ATAD2: variants seen among roughly 807,000 people sequenced by gnomAD.
The protein encoded by ATAD2 is ATPase family AAA domain containing 2.
ATAD2 carries 62 observed loss-of-function variants against 168.9 expected under a neutral mutation model. That is an observed-to-expected ratio of 0.37 (90% confidence interval 0.30 to 0.45). The LOEUF (loss-of-function observed/expected upper bound fraction) is 0.45. ATAD2 is among the 20% of genes least tolerant of loss of function. The probability of loss-of-function intolerance (pLI) is 1.00; values close to 1 mark genes in which losing one functional copy is unlikely to be tolerated. For missense variants in ATAD2, 1,419 were observed against 1,667.8 expected (o/e 0.85, Z 2.60); for synonymous variants, 613 against 571.6 (o/e 1.07, Z -1.03).
intron 24 of ATAD2, among the ~76,000 whole-genome samples, chr8:123,329,597 C>CA (rs1419970418): frequency 1.3e-5 from 2 of 151,762 alleles, no homozygotes; most frequent in Non-Finnish European, 2.9e-5. Context: ...CCCATCGCTA[C>CA]AAAAAATACA....
Position 123,369,966 on chromosome 8 carries a change from A to G in ATAD2, c.786T>C (p.Asp262=), listed in dbSNP as rs995715139. ...CATCGTCATCATCATCATCATCTTCATCATCTTCATCTTCACCATCATCTT... is the reference window on the plus strand; with the variant it reads ...CATCGTCATCATCATCATCATCTTCGTCATCTTCATCTTCACCATCATCTT... ...EHEDDGEDED[D]EDDDDDDDDD... is the part of the protein sequence containing the mutation. The change falls in exon 7 of 28, where the codon GAT becomes GAC. Residue 262 remains aspartate (D), a synonymous_variant. Transcript: ENST00000287394. The G allele has an allele frequency of 6.3e-7, 1 of 1,579,398 alleles. No homozygotes were observed. Among genetic ancestry groups the G allele is most frequent in the East Asian group, 2.2e-5 (1 of 44,624 alleles).
chr8:123,331,223 G>A (rs1373514188), intron 24 of ATAD2, among the ~76,000 whole-genome samples: 4 of 152,156 alleles, frequency 2.6e-5, no homozygotes, highest in African/African-American at 9.7e-5. Context: ...TTACAGGCGT[G>A]AGCCACTGCG....
At chr8:123,401,660 G>T in intron 1 of ATAD2, 1 of 808,704 alleles carries the variant, frequency 1.2e-6, no homozygotes. Context: ...CATCATAGCC[G>T]ATGGTGGCAT....
At chr8:123,371,364 G>C (rs952685434) in intron 4 of ATAD2, 26 bp from the exon 5 acceptor site, 1 of 1,537,548 alleles carries the variant, frequency 6.5e-7, no homozygotes, top group Admixed American at 2.1e-5. Flanking sequence ...ATAAATGTAA[G>C]TGAAAATTGT....
chr8:123,385,545 G>T (rs190829502), intron 1 of ATAD2, among the ~76,000 whole-genome samples: 2 of 152,052 alleles, frequency 1.3e-5, no homozygotes, highest in African/African-American at 4.8e-5. Flanking sequence ...AGAGAATAAA[G>T]AACTAAAAAA....
chr8:123,364,204 T>A (rs1828902293), intron 8 of ATAD2, among the ~76,000 whole-genome samples: 1 of 152,042 alleles, frequency 6.6e-6, no homozygotes, highest in Non-Finnish European at 1.5e-5. Flanking sequence ...CCTACTATCC[T>A]CACTTTACAG....
intron 1 of ATAD2, among the ~76,000 whole-genome samples, chr8:123,407,461 C>T (rs1813082875): frequency 6.6e-6 from 1 of 152,186 alleles, no homozygotes; most frequent in Non-Finnish European, 1.5e-5. Flanking sequence ...TGGTGGCTCA[C>T]ACCTGCAATC....
chr8:123,357,854 T>C, intron 11 of ATAD2, 118 bp from the exon 12 acceptor site: 1 of 1,026,970 alleles, frequency 9.7e-7, no homozygotes, highest in East Asian at 2.7e-5. Context: ...GTAAGACAAC[T>C]GAATTATGGT....
intron 19 of ATAD2, among the ~76,000 whole-genome samples, chr8:123,343,500 C>G (rs1828130767): frequency 2.6e-5 from 4 of 152,144 alleles, no homozygotes; most frequent in Non-Finnish European, 5.9e-5. Flanking sequence ...CCTAGAACCA[C>G]ACCTGGGAGA....
At chr8:123,335,260 C>A (rs1190534625) in intron 22 of ATAD2, among the ~76,000 whole-genome samples, 1 of 152,166 alleles carries the variant, frequency 6.6e-6, no homozygotes, top group Non-Finnish European at 1.5e-5. Context: ...CAGGGTACCT[C>A]GTTTCTTCTT....
chr8:123,415,943 T>A, intron 1 of ATAD2, among the ~76,000 whole-genome samples: 1 of 152,180 alleles, frequency 6.6e-6, no homozygotes, highest in East Asian at 1.9e-4. Context: ...CTGCCAGTAA[T>A]TGAACAAAAT....
In ATAD2 at chr8:123,345,038, C is replaced by G; in HGVS notation, c.2564G>C (p.Ser855Thr). 1 of 1,612,708 alleles carries G rather than the reference C, an allele frequency of 6.2e-7. No individual in the cohort carries two copies. The highest frequency in any genetic ancestry group is 8.5e-7 in the Non-Finnish European group (1 of 1,178,818). ...GTGGATATGAGGAACATACACTATA[C>G]TTGGTGCTGTTCTCTTAGCTTCACG... ...VIREAKRTAPSIVYVPHIHVW... is the reference protein window; with the variant it reads ...VIREAKRTAPTIVYVPHIHVW... The change falls in exon 19 of 28, where the codon AGT (serine) becomes ACT (threonine). Residue 855 changes from serine to threonine, a missense_variant. Ser to Thr is a moderately conservative substitution (Grantham distance 58, BLOSUM62 1). Coordinates refer to ENST00000287394, the MANE Select transcript of ATAD2 (RefSeq NM_014109.4).
At chr8:123,394,393 G>C (rs1186854268) in intron 1 of ATAD2, among the ~76,000 whole-genome samples, 1 of 152,152 alleles carries the variant, frequency 6.6e-6, no homozygotes, top group East Asian at 1.9e-4. Context: ...ATTTTGGGAG[G>C]CTGAGGCAAG....
At chr8:123,400,129 A>G (rs1169993558), upstream of ATAD2, among the ~76,000 whole-genome samples, 3 of 152,080 alleles carry the variant, frequency 2.0e-5, no homozygotes, top group Non-Finnish European at 4.4e-5. The surrounding 1 kb of genome is among the most constrained non-coding windows in gnomAD (Gnocchi z 4.5). Flanking sequence ...ATGCCACTGC[A>G]CTCCAGCCTT....
rs768615580 is a variant in ATAD2 at position 123,336,577 on chromosome 8, A to G, written c.3052-45T>C. The G allele has an allele frequency of 1.1e-5, 15 of 1,420,624 alleles. No individual in the cohort carries two copies. In the African/African-American group the frequency reaches 1.6e-4, roughly 15 times the overall value. The allele number at this position is 1,420,624 out of a possible 1,614,324, so 88.0% of individuals were successfully genotyped here. ...TCAAATCACAAAATTAACTCTAAACATAACATGTGAGTCAAGTTTCGATGC... is the reference window on the plus strand; with the variant it reads ...TCAAATCACAAAATTAACTCTAAACGTAACATGTGAGTCAAGTTTCGATGC... On this transcript the variant is annotated intron_variant, in intron 21 of 27. Transcript: ENST00000287394.
At chr8:123,335,123 A>G (rs1827881073) in intron 22 of ATAD2, among the ~76,000 whole-genome samples, 1 of 152,188 alleles carries the variant, frequency 6.6e-6, no homozygotes, top group South Asian at 2.1e-4. Flanking sequence ...GAAGTCCTTT[A>G]GGAGATTCTG....
intron 1 of ATAD2, among the ~76,000 whole-genome samples, chr8:123,387,597 T>A (rs931616831): frequency 6.6e-6 from 1 of 152,184 alleles, no homozygotes; most frequent in African/African-American, 2.4e-5. Context: ...ATATTCTCAT[T>A]TATTCTTTGG....
At chr8:123,406,194 T>C (rs1223610808) in intron 1 of ATAD2, among the ~76,000 whole-genome samples, 3 of 151,864 alleles carry the variant, frequency 2.0e-5, no homozygotes, top group Non-Finnish European at 2.9e-5. Flanking sequence ...CTGGCCAACA[T>C]AGTGAAACTG....
intron 1 of ATAD2, among the ~76,000 whole-genome samples, chr8:123,388,921 T>C (rs1209440712): frequency 6.6e-6 from 1 of 151,928 alleles, no homozygotes; most frequent in African/African-American, 2.4e-5. Context: ...AATACAGGCA[T>C]TGCTTCAGAC....
Sources: gnomAD v4.1 joint callset for allele counts (sites outside exome capture counted in the v4.1 genomes callset) on GRCh38, gnomAD v4.1.1 for gene constraint, Gnocchi (gnomAD v3.1) non-coding constraint, MANE v1.5 for transcripts, NCBI Gene and HGNC (gene_info 2026-07-23, HGNC 2026-07-21) for gene names.